The following PTPN13 variants were observed in gnomAD, a reference collection of about 807,000 sequenced individuals.
PTPN13 encodes the protein tyrosine-protein phosphatase non-receptor type 13.
PTPN13 carries 191 observed loss-of-function variants against 284.0 expected under a neutral mutation model. That is an observed-to-expected ratio of 0.67 (90% CI 0.60 to 0.76). The LOEUF (loss-of-function observed/expected upper bound fraction) is 0.76, where lower values mean the gene tolerates loss of function less well. Ranked by LOEUF, PTPN13 falls within the 30% of genes least tolerant of loss-of-function variation. The pLI is 0.00. For missense variants in PTPN13, 2,797 were observed against 2,939.9 expected (o/e 0.95, Z 1.12); for synonymous variants, 986 against 1,022.3 (o/e 0.96, Z 0.68).
chr4:86,812,309 C>CAA lies in PTPN13; in HGVS notation c.7362+1224_7362+1225dup, dbSNP rs555017151. The stretch of plus-strand genomic sequence containing the variant: ...TGGGCGACAGAGCGAGACTCCGTCT[C>CAA]AAAAAAAAAAAAAAAAAAAAAAAAG... On this transcript the variant is annotated intron_variant, in intron 47 of 47. Transcript: ENST00000411767. Among the ~76,000 whole-genome samples the CAA allele has an allele frequency of 7.3e-3, 419 of 57,768 alleles. 5 individuals carry two copies. The highest frequency in any genetic ancestry group is 0.019 in the East Asian group (27 of 1,398). 37.9% of individuals were successfully genotyped at this position (57,768 alleles called of 152,430 possible).
At chr4:86,745,222 CT>C (rs1459893917) in intron 17 of PTPN13, 94 bp downstream of exon 17, 35 of 1,205,042 alleles carry the variant, frequency 2.9e-5, no homozygotes, top group Non-Finnish European at 3.9e-5. Context: ...AGGATGAAAA[CT>C]TACAATGTAT....
chr4:86,670,893 A>T (rs1039443490), intron 2 of PTPN13, among the ~76,000 whole-genome samples: 6 of 152,320 alleles, frequency 3.9e-5, no homozygotes, highest in African/African-American at 1.4e-4. Flanking sequence ...TAAGATTATG[A>T]GCTGTGATGA....
In PTPN13 at chr4:86,635,371, G is replaced by T; in HGVS notation, c.115G>T (p.Val39Leu). Reference protein sequence around the residue: ...AESLQELFRKVSLADPAALGF... With the variant: ...AESLQELFRKLSLADPAALGF... ...AAGTCTCCAAGAATTATTCAGAAAA[G>T]GTAAGCTGCTGCTGCTGCTGCTGTT... is the stretch of plus-strand genomic sequence containing the variant. The change falls in exon 2 of 48, where the codon GTA becomes TTA. Residue 39 changes from valine to leucine, a missense_variant and splice_region_variant. Physicochemically the swap from Val to Leu is conservative, Grantham distance 32. Coordinates refer to ENST00000411767, the MANE Select transcript of PTPN13 (RefSeq NM_080683.3). 6.3e-7 allele frequency: 1 copy of T among 1,589,040 alleles called. No individual in the cohort carries two copies. The highest frequency in any genetic ancestry group is 8.6e-7 in the Non-Finnish European group (1 of 1,167,438).
At chr4:86,802,851 C>T (rs1361251628) in intron 42 of PTPN13, among the ~76,000 whole-genome samples, 3 of 152,192 alleles carry the variant, frequency 2.0e-5, no homozygotes, top group South Asian at 2.1e-4. Context: ...GCAGGTGGAT[C>T]GCTTGAGCCC....
chr4:86,753,639 A>G (rs1422275385), intron 20 of PTPN13, among the ~76,000 whole-genome samples: 2 of 152,120 alleles, frequency 1.3e-5, no homozygotes, highest in Non-Finnish European at 2.9e-5. Context: ...AATCTAAGAA[A>G]CAAAATCGTA....
At chr4:86,649,698 C>G (rs1248960466) in intron 2 of PTPN13, among the ~76,000 whole-genome samples, 3 of 152,054 alleles carry the variant, frequency 2.0e-5, no homozygotes, top group African/African-American at 4.8e-5. Context: ...CAAGATTGCT[C>G]TGGCTATTCT....
intron 35 of PTPN13, among the ~76,000 whole-genome samples, chr4:86,775,970 A>C (rs1002243399): frequency 6.6e-6 from 1 of 152,094 alleles, no homozygotes; most frequent in Non-Finnish European, 1.5e-5. Context: ...TTTTTTAGAC[A>C]GTTTCACTCT....
At chr4:86,614,798 A>T (rs1720352702) in intron 1 of PTPN13, among the ~76,000 whole-genome samples, 1 of 152,148 alleles carries the variant, frequency 6.6e-6, no homozygotes, top group African/African-American at 2.4e-5. Context: ...GACTGCTAAG[A>T]TGTAGATTTA....
At chr4:86,803,571 C>T (rs1041168172) in intron 42 of PTPN13, 138 bp from the exon 43 acceptor site, 33 of 908,612 alleles carry the variant, frequency 3.6e-5, no homozygotes, top group Non-Finnish European at 4.8e-5. Flanking sequence ...CCATCGTAGG[C>T]GACAGAACAA....
At chr4:86,640,676 A>G (rs138036431) in intron 2 of PTPN13, among the ~76,000 whole-genome samples, 9 of 152,324 alleles carry the variant, frequency 5.9e-5, no homozygotes, top group Non-Finnish European at 1.3e-4. Context: ...GACTCACAGT[A>G]TATAAAGCAT....
intron 2 of PTPN13, among the ~76,000 whole-genome samples, chr4:86,665,850 G>T (rs1392337982): frequency 6.6e-6 from 1 of 152,102 alleles, no homozygotes; most frequent in African/African-American, 2.4e-5. Flanking sequence ...CTAAGTAGGT[G>T]ATTGAGGAAA....
intron 1 of PTPN13, among the ~76,000 whole-genome samples, chr4:86,601,752 C>T (rs756208920): frequency 5.3e-5 from 8 of 152,134 alleles, no homozygotes; most frequent in Non-Finnish European, 5.9e-5. Flanking sequence ...TCTTCCACCG[C>T]GGGGATACTT....
chr4:86,734,767 T>C lies in PTPN13; in HGVS notation c.2043T>C (p.Leu681=). ...QHTLTCHQYY[L]QLRKDILEER... ...CTCTGACGTGTCATCAGTATTACCTTCAGCTTCGAAAAGATATTTTGGAGG... is the reference window on the plus strand; with the variant it reads ...CTCTGACGTGTCATCAGTATTACCTCCAGCTTCGAAAAGATATTTTGGAGG... The change falls in exon 14 of 48, where the codon CTT becomes CTC. Residue 681 remains leucine (L), a synonymous_variant. Transcript: ENST00000411767. 6.2e-7 allele frequency: 1 copy of C among 1,613,264 alleles called. No individual in the cohort carries two copies. The highest frequency in any genetic ancestry group is 8.5e-7 in the Non-Finnish European group (1 of 1,179,428).
chr4:86,625,745 C>CT (rs918739283), intron 1 of PTPN13, among the ~76,000 whole-genome samples: 7 of 152,132 alleles, frequency 4.6e-5, no homozygotes, highest in Non-Finnish European at 8.8e-5. Context: ...AGAGGCCACC[C>CT]TTAGGTCCTT....
At chr4:86,644,852 T>C (rs1279872714) in intron 2 of PTPN13, among the ~76,000 whole-genome samples, 1 of 152,176 alleles carries the variant, frequency 6.6e-6, no homozygotes, top group Non-Finnish European at 1.5e-5. Flanking sequence ...AACTATATTA[T>C]CTTTTTAATA....
chr4:86,716,730 G>GAAAAATT (rs1404190363), intron 8 of PTPN13, 105 bp downstream of exon 8: 29 of 913,162 alleles, frequency 3.2e-5, no homozygotes, highest in African/African-American at 5.1e-5. Context: ...GAATAATACT[G>GAAAAATT]TATAAAATTG....
intron 28 of PTPN13, 25 bp from the exon 29 acceptor site, chr4:86,769,744 A>T (rs1739762623): frequency 2.1e-6 from 3 of 1,456,010 alleles, no homozygotes; most frequent in Middle Eastern, 1.8e-4. Flanking sequence ...TAATATCTAA[A>T]TTTTTTTTAT....
At chr4:86,781,530 C>CT (rs1741299262) in intron 36 of PTPN13, among the ~76,000 whole-genome samples, 1 of 152,104 alleles carries the variant, frequency 6.6e-6, no homozygotes, top group Admixed American at 6.5e-5. Flanking sequence ...TGAAATCAGA[C>CT]TTTAAAAAGC....
At chr4:86,628,490 A>ATTTT (rs55718911) in intron 1 of PTPN13, among the ~76,000 whole-genome samples, 18 of 115,630 alleles carry the variant, frequency 1.6e-4, no homozygotes, top group Admixed American at 6.9e-4. Flanking sequence ...TTTGTGGTTC[A>ATTTT]TTTTTTTTTT....
Sources: allele counts gnomAD v4.1 joint callset (sites outside exome capture counted in the v4.1 genomes callset), GRCh38; gene constraint gnomAD v4.1.1; transcripts MANE v1.5; gene names NCBI Gene and HGNC (gene_info 2026-07-23, HGNC 2026-07-21).